The following MYT1L variants were observed in gnomAD, a reference collection of about 807,000 sequenced individuals.
MYT1L encodes the protein myelin transcription factor 1 like.
In MYT1L, 12 loss-of-function variants were observed where a neutral mutation model predicts 126.7. The ratio of observed to expected loss-of-function variants is 0.09; its 90% CI spans 0.06 to 0.15. MYT1L has a LOEUF of 0.15. Ranked by LOEUF, MYT1L falls within the 10% of genes least tolerant of loss-of-function variation. MYT1L has a pLI of 1.00. For synonymous variants in MYT1L, 541 were observed against 604.2 expected (o/e 0.90, Z 1.53); for missense variants, 979 against 1,585.2 (o/e 0.62, Z 6.49).
chr2:2,130,910 C>A (rs898514587), intron 3 of MYT1L, among the ~76,000 whole-genome samples: 10 of 152,116 alleles, frequency 6.6e-5, no homozygotes, highest in African/African-American at 9.7e-5. Context: ...AGAAAAAAAT[C>A]TTTAAAGCTC....
At chr2:2,217,970 T>A (rs926077361) in intron 2 of MYT1L, among the ~76,000 whole-genome samples, 1 of 152,152 alleles carries the variant, frequency 6.6e-6, no homozygotes. Context: ...CATGAAAAGA[T>A]GCTTAGCATC....
chr2:1,946,017 G>A (rs985892129), intron 8 of MYT1L, among the ~76,000 whole-genome samples: 2 of 152,294 alleles, frequency 1.3e-5, no homozygotes, highest in South Asian at 2.1e-4. Context: ...GCAGGCAAGC[G>A]AGCGAAGCTT....
At chr2:2,189,690 ACTATTAAGC>A (rs1231773597) in intron 2 of MYT1L, among the ~76,000 whole-genome samples, 1 of 152,210 alleles carries the variant, frequency 6.6e-6, no homozygotes, top group Non-Finnish European at 1.5e-5. Flanking sequence ...AGGGCTTCAG[ACTATTAAGC>A]CTATGAAGAG....
At chr2:2,280,060 A>G (rs1338512807) in intron 2 of MYT1L, among the ~76,000 whole-genome samples, 1 of 152,248 alleles carries the variant, frequency 6.6e-6, no homozygotes, top group Admixed American at 6.5e-5. Context: ...AAATAAAGAA[A>G]TAAACTATAA....
intron 4 of MYT1L, among the ~76,000 whole-genome samples, chr2:2,032,061 C>T (rs1247093691): frequency 7.3e-6 from 1 of 136,738 alleles, no homozygotes; most frequent in Non-Finnish European, 1.5e-5. Context: ...ATCCTGTGGC[C>T]CAGAGCAGAT....
Position 1,792,023 on chromosome 2 carries a change from T to C in MYT1L, c.3421-16A>G. The C allele has an allele frequency of 1.3e-6, 2 of 1,538,862 alleles. No homozygotes were observed. Among genetic ancestry groups the C allele is most frequent in the Non-Finnish European group, 1.8e-6 (2 of 1,138,378 alleles). ...TGATTGGATCCTACGAGATATTAAA[T>C]AGTAGTTCATATACAACTTTTATTT... On this transcript the variant is annotated splice_polypyrimidine_tract_variant and intron_variant, in intron 24 of 24. Coordinates refer to ENST00000647738, the MANE Select transcript of MYT1L (RefSeq NM_001303052.2).
chr2:1,869,909 A>G lies in MYT1L; in HGVS notation c.2711+16630T>C, dbSNP rs563443218. ...ACAGATCTCCAATTTCCATACCAGG[A>G]AACAAGCTAGTCACCTAATAAGTGC... On this transcript the variant is annotated intron_variant, in intron 18 of 24. Transcript: ENST00000647738. Among the ~76,000 whole-genome samples, 3 of 152,328 alleles carry G rather than the reference A, an allele frequency of 2.0e-5. No homozygotes were observed. The South Asian group carries it at 6.2e-4, about 32-fold the overall frequency.
At chr2:1,892,393 T>A in intron 14 of MYT1L, 106 bp from the exon 15 acceptor site, 1 of 1,444,866 alleles carries the variant, frequency 6.9e-7, no homozygotes, top group Non-Finnish European at 9.2e-7. Flanking sequence ...CACAGCCGCG[T>A]GGGACGGCCC....
At chr2:2,196,655 G>C (rs1364305704) in intron 2 of MYT1L, among the ~76,000 whole-genome samples, 2 of 151,844 alleles carry the variant, frequency 1.3e-5, no homozygotes, top group Non-Finnish European at 2.9e-5. Flanking sequence ...TAATTTCATT[G>C]TGTTTTTGTA....
At position 1,910,126 on chromosome 2, in the gene MYT1L, C is replaced by G. The variant is rs2051720819; in HGVS notation, c.1817+114G>C. The G allele has an allele frequency of 1.0e-6, 1 of 969,430 alleles. No homozygotes were observed. Among genetic ancestry groups the G allele is most frequent in the African/African-American group, 1.6e-5 (1 of 62,438 alleles). 60.1% of individuals were successfully genotyped at this position (969,430 alleles called of 1,614,324 possible). ...CCGGCTTCCAGCACAGCCCCGCCCT[C>G]CAGTCCCTGCCCCTGCTGCTGTAGG... On this transcript the variant is annotated intron_variant, in intron 13 of 24. Transcript: ENST00000647738. This position sits in a 1 kb window ranked among gnomAD's most constrained non-coding sequence, Gnocchi z 4.8.
intron 1 of MYT1L, among the ~76,000 whole-genome samples, chr2:2,296,386 A>C (rs565822049): frequency 6.6e-6 from 1 of 152,304 alleles, no homozygotes; most frequent in South Asian, 2.1e-4. Flanking sequence ...AAGAGAAAAA[A>C]TGTGATTCAC....
intron 3 of MYT1L, among the ~76,000 whole-genome samples, chr2:2,089,323 G>C (rs1243930692): frequency 6.6e-6 from 1 of 152,188 alleles, no homozygotes; most frequent in Non-Finnish European, 1.5e-5. Context: ...ACTGCAGAAG[G>C]GCTTTACAAA....
chr2:1,805,836 A>G (rs1435416680), intron 22 of MYT1L, among the ~76,000 whole-genome samples: 1 of 152,194 alleles, frequency 6.6e-6, no homozygotes, highest in Non-Finnish European at 1.5e-5. Context: ...CAGTAAGCCA[A>G]GATGGTGCTA....
intron 2 of MYT1L, among the ~76,000 whole-genome samples, chr2:2,234,655 T>C (rs72769240): frequency 0.047 from 7,104 of 152,246 alleles, 230 homozygotes; most frequent in Non-Finnish European, 0.075. Context: ...TCCTTCCCCA[T>C]GGCAATCTTT....
intron 3 of MYT1L, among the ~76,000 whole-genome samples, chr2:2,108,565 C>T (rs1325271944): frequency 6.6e-6 from 1 of 152,208 alleles, no homozygotes; most frequent in African/African-American, 2.4e-5. Flanking sequence ...ATTCTCCTAT[C>T]ACACCAAATG....
chr2:2,301,825 TAAAA>T (rs375520368), intron 1 of MYT1L, among the ~76,000 whole-genome samples: 1 of 96,892 alleles, frequency 1.0e-5, no homozygotes, highest in Non-Finnish European at 2.1e-5. Flanking sequence ...CCTGTCTGTC[TAAAA>T]AAAAAAAAAA....
At chr2:2,206,873 C>T (rs1042039705) in intron 2 of MYT1L, among the ~76,000 whole-genome samples, 25 of 152,146 alleles carry the variant, frequency 1.6e-4, no homozygotes, top group African/African-American at 5.1e-4. Flanking sequence ...TTAAAATAGC[C>T]GCCAAGCACG....
At chr2:2,018,053 C>A (rs143930982) in intron 4 of MYT1L, among the ~76,000 whole-genome samples, 2 of 152,110 alleles carry the variant, frequency 1.3e-5, no homozygotes, top group Admixed American at 1.3e-4. Context: ...AACGCACACA[C>A]GTACATAATT....
intron 2 of MYT1L, among the ~76,000 whole-genome samples, chr2:2,223,365 C>G (rs2093928794): frequency 6.6e-6 from 1 of 152,192 alleles, no homozygotes; most frequent in South Asian, 2.1e-4. Flanking sequence ...TGAAGCTTCT[C>G]TATTAAAGAG....
Sources: gnomAD v4.1 joint callset for allele counts (sites outside exome capture counted in the v4.1 genomes callset) on GRCh38, gnomAD v4.1.1 for gene constraint, Gnocchi (gnomAD v3.1) non-coding constraint, MANE v1.5 for transcripts, NCBI Gene and HGNC (gene_info 2026-07-23, HGNC 2026-07-21) for gene names.